PCDHGA3: variants seen among roughly 807,000 people sequenced by gnomAD.
PCDHGA3 encodes the protein protocadherin gamma subfamily A, 3.
A neutral mutation model predicts 58.5 loss-of-function variants in PCDHGA3; 40 were observed. The ratio of observed to expected loss-of-function variants is 0.68; its 90% CI spans 0.53 to 0.89. The LOEUF is 0.89. PCDHGA3 is among the 40% of genes least tolerant of loss of function. The pLI, the probability that PCDHGA3 is intolerant of heterozygous loss-of-function variation, is 0.00. For missense variants in PCDHGA3, 1,223 were observed against 1,195.9 expected, an observed-to-expected ratio of 1.02 and a Z score of -0.33; for synonymous variants, 530 against 525.7, an observed-to-expected ratio of 1.01 and a Z score of -0.11.
intron 1 of PCDHGA3, among the ~76,000 whole-genome samples, chr5:141,474,705 A>C (rs114026580): frequency 0.01 from 1,561 of 152,324 alleles, 35 homozygotes; most frequent in African/African-American, 0.035. Context: ...TCAAGGTTCT[A>C]TTATACTTCA....
intron 1 of PCDHGA3, among the ~76,000 whole-genome samples, chr5:141,401,348 A>G (rs1312849099): frequency 2.0e-5 from 3 of 152,220 alleles, no homozygotes; most frequent in African/African-American, 4.8e-5. Flanking sequence ...ATCTCAAAAA[A>G]AAGGAAGGAG....
At chr5:141,354,777 A>G (rs1293865726) in intron 1 of PCDHGA3, among the ~76,000 whole-genome samples, 1 of 152,250 alleles carries the variant, frequency 6.6e-6, no homozygotes, top group African/African-American at 2.4e-5. Context: ...AAAAATCGTC[A>G]TATTTTCTCT....
intron 1 of PCDHGA3, chr5:141,422,878 C>T: frequency 6.2e-7 from 1 of 1,614,264 alleles, no homozygotes; most frequent in African/African-American, 1.3e-5. Flanking sequence ...GTCGCTGAGC[C>T]TGTTCGTGCT....
intron 1 of PCDHGA3, among the ~76,000 whole-genome samples, chr5:141,380,213 T>C (rs1284651338): frequency 1.3e-5 from 2 of 152,186 alleles, no homozygotes; most frequent in Admixed American, 6.5e-5. Context: ...AAGGCATTCA[T>C]TTCTGATCAG....
intron 1 of PCDHGA3, chr5:141,392,963 G>C: frequency 6.2e-7 from 1 of 1,613,922 alleles, no homozygotes; most frequent in Non-Finnish European, 8.5e-7. Flanking sequence ...ATATCTCCAA[G>C]GACCTGGGGC....
At chr5:141,362,466 G>T (rs753193547) in intron 1 of PCDHGA3, 19 of 1,613,922 alleles carry the variant, frequency 1.2e-5, no homozygotes, top group Non-Finnish European at 1.6e-5. Flanking sequence ...TGGTTCCCGC[G>T]CAAGATCTCG....
At chr5:141,441,730 A>ATGGT in intron 1 of PCDHGA3, 1 of 362,748 alleles carries the variant, frequency 2.8e-6, no homozygotes, top group South Asian at 2.2e-5. Flanking sequence ...CGCGACCAGG[A>ATGGT]CTAGCTCGCG....
At chr5:141,510,626 AGGTG>A (rs2099882005) in intron 3 of PCDHGA3, among the ~76,000 whole-genome samples, 1 of 152,144 alleles carries the variant, frequency 6.6e-6, no homozygotes, top group Admixed American at 6.5e-5. Context: ...AAACCAGAAG[AGGTG>A]GTTACCATTA....
rs1421670958 is a variant in PCDHGA3, at chr5:141,432,558, A to C, written c.2425-62249A>C. ...GTGGCGGTGGACAGAGACTCCGGCC[A>C]GAACGCCTGGCTGTCCTACCGTCTG... On this transcript the variant is annotated intron_variant, in intron 1 of 3. Transcript: ENST00000253812. This position sits in a 1 kb window ranked among gnomAD's most constrained non-coding sequence, Gnocchi z 6.0. The C allele has an allele frequency of 1.9e-6, 3 of 1,613,756 alleles. No individual in the cohort carries two copies. The highest frequency in any genetic ancestry group is 2.2e-5 in the South Asian group (2 of 91,060).
intron 1 of PCDHGA3, 82 bp from the exon 2 acceptor site, chr5:141,494,725 C>T: frequency 6.2e-7 from 1 of 1,610,026 alleles, no homozygotes; most frequent in Middle Eastern, 1.7e-4. Context: ...CCCTCCTTCT[C>T]TCCCGGCCCA....
At chr5:141,374,857 C>T in intron 1 of PCDHGA3, 1 of 1,613,768 alleles carries the variant, frequency 6.2e-7, no homozygotes, top group East Asian at 2.2e-5. Context: ...TGCCAGTAGG[C>T]ACACCAGTGT....
rs1029080327 is a variant in PCDHGA3 at position 141,512,737 on chromosome 5, G to C, written c.*1564G>C. 6.5e-5 allele frequency: 10 copies of C among 152,868 alleles called. No individual in the cohort carries two copies. The highest frequency in any genetic ancestry group is 2.4e-4 in the African/African-American group (10 of 41,472). 9.5% of individuals were successfully genotyped at this position (152,868 alleles called of 1,614,324 possible). On this transcript the variant is annotated 3_prime_UTR_variant, in exon 4 of 4. Transcript: ENST00000253812. Reference sequence around the variant, plus strand: ...ATGGCGGGTGGGCAGCGGGCGGCGGGCTCCGCGCAGCCGTCTGTCCTTGAT... The same window carrying C: ...ATGGCGGGTGGGCAGCGGGCGGCGGCCTCCGCGCAGCCGTCTGTCCTTGAT...
At chr5:141,410,191 C>T in intron 1 of PCDHGA3, 1 of 1,613,994 alleles carries the variant, frequency 6.2e-7, no homozygotes, top group Non-Finnish European at 8.5e-7. Context: ...TTCATCTGGT[C>T]TTCGCAGACA....
In PCDHGA3 at chr5:141,461,830, C is replaced by CT. The variant is rs1030113508; in HGVS notation, c.2425-32967dup. On this transcript the variant is annotated intron_variant, in intron 1 of 3. Transcript: ENST00000253812. Reference sequence around the variant, plus strand: ...CACCACACCCAGCTAATTTTTTTTTCTTTTTTTTTTGAGACAGAGTTTTGC... The same window carrying CT: ...CACCACACCCAGCTAATTTTTTTTTCTTTTTTTTTTTGAGACAGAGTTTTGC... Among the ~76,000 whole-genome samples, 192 of 145,246 alleles carry CT rather than the reference C, an allele frequency of 1.3e-3. 1 individual carries two copies. In the Middle Eastern group the frequency reaches 0.022, roughly 16 times the overall value.
intron 1 of PCDHGA3, chr5:141,391,595 T>C (rs1353226414): frequency 6.6e-6 from 1 of 152,188 alleles, no homozygotes; most frequent in Non-Finnish European, 1.5e-5. Flanking sequence ...AAATATAAAG[T>C]TTTCAGATTT....
rs138031063 is a variant in PCDHGA3 at position 141,447,985 on chromosome 5, C to T, written c.2425-46822C>T. Among the ~76,000 whole-genome samples the T allele has an allele frequency of 3.9e-3, 591 of 152,010 alleles. 6 individuals are homozygous for T. The highest frequency in any genetic ancestry group is 0.011 in the Admixed American group (170 of 15,260). On this transcript the variant is annotated intron_variant, in intron 1 of 3. Transcript: ENST00000253812. ...CCTATAATCCCAGCTACTCGGGAGG[C>T]TGAGGCATGAGAATCGCTTGAACCC...
intron 1 of PCDHGA3, chr5:141,356,584 C>G: frequency 6.2e-7 from 1 of 1,614,182 alleles, no homozygotes; most frequent in Non-Finnish European, 8.5e-7. Context: ...TGCTTACATT[C>G]CTGAAAACAA....
At chr5:141,355,869 T>C (rs1354052065) in intron 1 of PCDHGA3, 5 of 1,613,064 alleles carry the variant, frequency 3.1e-6, no homozygotes, top group South Asian at 1.1e-5. Context: ...CGGTTCGCTC[T>C]GGCACTGCCA....
At position 141,344,333 on chromosome 5, in the gene PCDHGA3, G is replaced by T; in HGVS notation, c.300G>T (p.Pro100=). The T allele has an allele frequency of 1.9e-6, 3 of 1,613,986 alleles. No individual in the cohort carries two copies. The highest frequency in any genetic ancestry group is 2.2e-5 in the East Asian group (1 of 44,884). ...GGGAGGAGCTCTGCGCTCAGATCCC[G>T]CTGTGTCTGGTAAAAATTAACATTC... The part of the protein sequence containing the change: ...IDREELCAQI[P]LCLVKINILV... The change falls in exon 1 of 4, where the codon CCG becomes CCT. Residue 100 remains proline, a synonymous_variant. Transcript: ENST00000253812.
Sources: gnomAD v4.1 joint callset for allele counts (sites outside exome capture counted in the v4.1 genomes callset) on GRCh38, gnomAD v4.1.1 for gene constraint, Gnocchi (gnomAD v3.1) non-coding constraint, MANE v1.5 for transcripts, NCBI Gene and HGNC (gene_info 2026-07-23, HGNC 2026-07-21) for gene names.